The following LPAR6 variants were observed in gnomAD, a reference collection of about 807,000 sequenced individuals.
LPAR6 encodes lysophosphatidic acid receptor 6.
LPAR6 carries 17 observed loss-of-function variants against 22.0 expected under a neutral mutation model. The ratio of observed to expected loss-of-function variants is 0.77; its 90% CI spans 0.53 to 1.16. The LOEUF is 1.16. Ranked by LOEUF, LPAR6 falls within the 50% of genes most tolerant of loss-of-function variation. LPAR6 has a pLI of 0.00. For synonymous variants in LPAR6, 136 were observed against 139.8 expected, an observed-to-expected ratio of 0.97 and a Z score of 0.19; for missense variants, 384 against 406.9, an observed-to-expected ratio of 0.94 and a Z score of 0.48.
chr13:48,426,520 A>G (rs1344237548), intron 1 of LPAR6: 1 of 152,244 alleles, frequency 6.6e-6, no homozygotes, highest in African/African-American at 2.4e-5. Flanking sequence ...TAGTCTTAAT[A>G]TCCTCTAATG....
chr13:48,390,863 GATTTTC>G (rs548225423), intron 1 of LPAR6, among the ~76,000 whole-genome samples: 169 of 152,190 alleles, frequency 1.1e-3, no homozygotes, highest in Non-Finnish European at 1.7e-3. Context: ...TTAAAGAAGT[GATTTTC>G]TTATAGGCAG....
Position 48,412,306 on chromosome 13 carries a change from A to G in LPAR6, c.118T>C (p.Tyr40His), listed in dbSNP as rs1948827744. The G allele has an allele frequency of 1.2e-5, 19 of 1,613,358 alleles. No individual in the cohort carries two copies. The highest frequency in any genetic ancestry group is 1.6e-4 in the Middle Eastern group (1 of 6,062). Residue 40 changes from tyrosine (Y) to histidine (H), a missense_variant, in exon 1 of 1, where the codon TAC (tyrosine) becomes CAC (histidine). Tyr to His is a moderately conservative substitution (Grantham distance 83, BLOSUM62 2). Coordinates refer to ENST00000620633, the MANE Select transcript of LPAR6 (RefSeq NM_001162498.3). ...LGLISNCVAIYIFICVLKVRN... is the reference protein window; with the variant it reads ...LGLISNCVAIHIFICVLKVRN... Reference sequence around the variant, plus strand: ...ACTTTGAGGACGCAGATGAAAATGTATATGGCAACACAATTGGATATTAAC... The same window carrying G: ...ACTTTGAGGACGCAGATGAAAATGTGTATGGCAACACAATTGGATATTAAC...
At chr13:48,400,635 A>T (rs1355533040) in intron 1 of LPAR6, among the ~76,000 whole-genome samples, 3 of 152,124 alleles carry the variant, frequency 2.0e-5, no homozygotes, top group Non-Finnish European at 4.4e-5. Flanking sequence ...TTTTATAGAT[A>T]AAGAGACCTG....
At chr13:48,416,918 C>T (rs1335845036), upstream of LPAR6, among the ~76,000 whole-genome samples, 1 of 152,198 alleles carries the variant, frequency 6.6e-6, no homozygotes, top group Non-Finnish European at 1.5e-5. Context: ...CAGCCCCAGT[C>T]AGGGGCTTAT....
intron 1 of LPAR6, among the ~76,000 whole-genome samples, chr13:48,405,015 T>A (rs928093807): frequency 1.4e-4 from 21 of 152,158 alleles, no homozygotes; most frequent in African/African-American, 5.1e-4. Context: ...TCAGAATGTT[T>A]ATCTTTTGAC....
At chr13:48,409,029 CAAAT>C (rs146729593), downstream of LPAR6, among the ~76,000 whole-genome samples, 1,890 of 151,806 alleles carry the variant, frequency 0.012, 43 homozygotes, top group African/African-American at 0.039. Flanking sequence ...AGTGTAATAT[CAAAT>C]AAAGGAATTT....
At chr13:48,429,913 A>G (rs940200561), upstream of LPAR6, among the ~76,000 whole-genome samples, 31 of 152,368 alleles carry the variant, frequency 2.0e-4, no homozygotes, top group Admixed American at 1.2e-3. Flanking sequence ...AATAAAGGCC[A>G]TAAGAGAATA....
intron 1 of LPAR6, among the ~76,000 whole-genome samples, chr13:48,438,296 C>A (rs1949203913): frequency 6.6e-6 from 1 of 152,104 alleles, no homozygotes; most frequent in African/African-American, 2.4e-5. Flanking sequence ...TTTTTCTTAT[C>A]TTATAGATTA....
chr13:48,431,531 A>C (rs1260386470), upstream of LPAR6, among the ~76,000 whole-genome samples: 1 of 152,220 alleles, frequency 6.6e-6, no homozygotes. Context: ...GCCACTAGTC[A>C]TCTATTCCCA....
intron 1 of LPAR6, chr13:48,404,290 G>T: frequency 6.6e-6 from 1 of 152,166 alleles, no homozygotes; most frequent in East Asian, 1.9e-4. Flanking sequence ...AGGAAAGGCA[G>T]TTCTTCCTAG....
At chr13:48,418,005 C>G (rs928835299), upstream of LPAR6, among the ~76,000 whole-genome samples, 2 of 152,214 alleles carry the variant, frequency 1.3e-5, no homozygotes, top group Non-Finnish European at 2.9e-5. Flanking sequence ...GACAGGCCAA[C>G]ATTCCAATTC....
upstream of LPAR6, chr13:48,416,696 T>C (rs1327824461): frequency 6.6e-6 from 1 of 152,336 alleles, no homozygotes; most frequent in African/African-American, 2.4e-5. Flanking sequence ...CTTGAAACTC[T>C]TACTGCCAGC....
rs148432454 is a variant in LPAR6, at chr13:48,404,767, C to G, written n.114+10933G>C. On this transcript the variant is annotated intron_variant and non_coding_transcript_variant, in intron 1 of 1. Coordinates refer to the LPAR6 transcript ENST00000462781. ...ATCTTAAACTCCTGACATCGTGATC[C>G]GCCTGCCTCGGCCTCCCAAAGTGCT... is the stretch of plus-strand genomic sequence containing the variant. Among the ~76,000 whole-genome samples the G allele has an allele frequency of 3.9e-5, 6 of 152,036 alleles. No homozygotes were observed. In the East Asian group the frequency reaches 1.2e-3, roughly 29 times the overall value.
At position 48,444,346 on chromosome 13, in the gene LPAR6, G is replaced by A. The variant is rs147647771; in HGVS notation, c.-1474+207C>T. Among the ~76,000 whole-genome samples, 1,461 of 152,060 alleles carry A rather than the reference G, an allele frequency of 9.6e-3. 23 individuals carry two copies. The highest frequency in any genetic ancestry group is 0.032 in the African/African-American group (1,346 of 41,502). ...AGCCTGGCCAACATGGCAAAACCCCGTCTCTACTAAAAATACAAAAATTAT... is the reference window on the plus strand; with the variant it reads ...AGCCTGGCCAACATGGCAAAACCCCATCTCTACTAAAAATACAAAAATTAT... On this transcript the variant is annotated intron_variant, in intron 1 of 6. Coordinates refer to the LPAR6 transcript ENST00000378434.
chr13:48,422,253 AAACT>A (rs1378961867), intron 2 of LPAR6, among the ~76,000 whole-genome samples: 2 of 152,206 alleles, frequency 1.3e-5, no homozygotes, highest in Admixed American at 1.3e-4. Flanking sequence ...CACTTTCAGC[AAACT>A]AACACAGGAA....
At chr13:48,402,870 C>A (rs1011964630) in intron 1 of LPAR6, among the ~76,000 whole-genome samples, 1 of 151,924 alleles carries the variant, frequency 6.6e-6, no homozygotes, top group Non-Finnish European at 1.5e-5. Context: ...GCAAAAATTA[C>A]CTATATGACA....
chr13:48,408,330 A>G (rs1462834672), downstream of LPAR6, among the ~76,000 whole-genome samples: 2 of 152,080 alleles, frequency 1.3e-5, no homozygotes, highest in African/African-American at 2.4e-5. Context: ...CTCAGTAAAG[A>G]TGATTTCTAA....
At chr13:48,436,726 C>G (rs992460036) in intron 1 of LPAR6, among the ~76,000 whole-genome samples, 1 of 152,060 alleles carries the variant, frequency 6.6e-6, no homozygotes, top group African/African-American at 2.4e-5. Flanking sequence ...AAAGGACCAG[C>G]AAGGTAAAAT....
chr13:48,397,048 C>G lies in LPAR6; in HGVS notation n.115-7236G>C, dbSNP rs989567022. On this transcript the variant is annotated intron_variant and non_coding_transcript_variant, in intron 1 of 1. Transcript: ENST00000462781. ...AGGAATGGTTTTATACTGTTGGTGG[C>G]AGTGTAAATTAGTTCAACCATTGTG... Among the ~76,000 whole-genome samples the G allele has an allele frequency of 6.6e-5, 10 of 152,074 alleles. 1 individual carries two copies. Among genetic ancestry groups the G allele is most frequent in the Admixed American group, 3.9e-4 (6 of 15,266 alleles).
Sources: allele counts gnomAD v4.1 joint callset (sites outside exome capture counted in the v4.1 genomes callset), GRCh38; gene constraint gnomAD v4.1.1; transcripts MANE v1.5; gene names NCBI Gene and HGNC (gene_info 2026-07-23, HGNC 2026-07-21).